Variants in KAZN observed in about 807,000 individuals in gnomAD.
KAZN encodes the protein kazrin.
Under a neutral mutation model 87.4 loss-of-function variants are expected in KAZN, and 40 were observed. The observed-to-expected ratio is 0.46, with a 90% CI of 0.36 to 0.60. The LOEUF is 0.60. Among genes scored for constraint, KAZN ranks in the 20% least tolerant of loss-of-function variants. The pLI, the probability that KAZN is intolerant of heterozygous loss-of-function variation, is 0.00. For synonymous variants in KAZN, 466 were observed against 458.3 expected (o/e 1.02, Z -0.22); for missense variants, 898 against 1,073.9 (o/e 0.84, Z 2.29).
At chr1:14,245,897 C>T (rs1649456612) in intron 2 of KAZN, among the ~76,000 whole-genome samples, 1 of 152,154 alleles carries the variant, frequency 6.6e-6, no homozygotes, top group Non-Finnish European at 1.5e-5. Context: ...CATGGCAGCA[C>T]TATTCACAAT....
chr1:14,824,196 G>T (rs942504944), intron 1 of KAZN, among the ~76,000 whole-genome samples: 3 of 152,008 alleles, frequency 2.0e-5, no homozygotes, highest in African/African-American at 4.8e-5. Flanking sequence ...GGGGTGCAGC[G>T]TGATGGGAGG....
intron 1 of KAZN, among the ~76,000 whole-genome samples, chr1:13,943,307 G>C (rs1217209724): frequency 6.6e-6 from 1 of 152,134 alleles, no homozygotes; most frequent in East Asian, 1.9e-4. Flanking sequence ...TTAAAGTGCA[G>C]AAAGAAGATA....
intron 1 of KAZN, among the ~76,000 whole-genome samples, chr1:14,874,482 ATGGATG>A (rs1652527048): frequency 2.0e-5 from 3 of 149,450 alleles, no homozygotes; most frequent in African/African-American, 5.0e-5. Flanking sequence ...GGATGGATGG[ATGGATG>A]GATGGATGGA....
intron 1 of KAZN, among the ~76,000 whole-genome samples, chr1:14,091,686 G>C (rs1285357502): frequency 6.6e-6 from 1 of 152,022 alleles, no homozygotes. Context: ...ATAACTTTTG[G>C]GGGCCTATGG....
At chr1:14,138,437 C>T (rs1334211672) in intron 1 of KAZN, among the ~76,000 whole-genome samples, 1 of 152,126 alleles carries the variant, frequency 6.6e-6, no homozygotes, top group Non-Finnish European at 1.5e-5. Context: ...GGAAGTATCC[C>T]ATTGGAACTT....
intron 2 of KAZN, among the ~76,000 whole-genome samples, chr1:14,992,422 G>A (rs558683844): frequency 6.6e-6 from 1 of 152,284 alleles, no homozygotes; most frequent in African/African-American, 2.4e-5. Flanking sequence ...AAGTTGCAGA[G>A]ACAAATAGGA....
chr1:14,311,975 G>T (rs904825195), intron 2 of KAZN, among the ~76,000 whole-genome samples: 2 of 152,124 alleles, frequency 1.3e-5, no homozygotes, highest in African/African-American at 4.8e-5. Flanking sequence ...GCTGGGAAGA[G>T]AATTCTTACT....
chr1:14,589,790 G>A (rs1482119095), intron 2 of KAZN, among the ~76,000 whole-genome samples: 1 of 152,100 alleles, frequency 6.6e-6, no homozygotes, highest in African/African-American at 2.4e-5. Flanking sequence ...GGGGGCTCAC[G>A]CTGTTCTTTG....
intron 1 of KAZN, among the ~76,000 whole-genome samples, chr1:14,078,831 C>T (rs1232839449): frequency 1.5e-4 from 23 of 152,110 alleles, no homozygotes; most frequent in African/African-American, 2.7e-4. Context: ...ATTACAGGCA[C>T]GCGCCACCAC....
At chr1:14,833,602 G>C (rs540228871) in intron 1 of KAZN, among the ~76,000 whole-genome samples, 2 of 152,132 alleles carry the variant, frequency 1.3e-5, no homozygotes, top group Non-Finnish European at 2.9e-5. Flanking sequence ...TAAGCATATG[G>C]GTTCTGTCTT....
chr1:14,900,072 G>A (rs906771157), intron 1 of KAZN, among the ~76,000 whole-genome samples: 18 of 152,358 alleles, frequency 1.2e-4, no homozygotes, highest in Admixed American at 9.8e-4. Context: ...AATGGCCCAG[G>A]AGGCAGAACC....
intron 2 of KAZN, among the ~76,000 whole-genome samples, chr1:14,962,969 A>C (rs934469133): frequency 6.6e-6 from 1 of 152,024 alleles, no homozygotes; most frequent in African/African-American, 2.4e-5. Flanking sequence ...TCCTGATCTG[A>C]GTGATTGGAC....
At chr1:15,019,297 GC>G (rs1203866601) in intron 2 of KAZN, among the ~76,000 whole-genome samples, 19 of 152,186 alleles carry the variant, frequency 1.2e-4, no homozygotes, top group African/African-American at 4.6e-4. Context: ...AGAGCAGGGG[GC>G]TCAGAACCAG....
intron 1 of KAZN, among the ~76,000 whole-genome samples, chr1:13,936,096 G>GTTTTTTTCTTT (rs1640727026): frequency 1.2e-5 from 1 of 84,840 alleles, no homozygotes; most frequent in Non-Finnish European, 2.2e-5. Context: ...TACAAGTGCA[G>GTTTTTTTCTTT]TTTTTTTTTT....
intron 1 of KAZN, among the ~76,000 whole-genome samples, chr1:14,697,140 C>CAAAAAAAAAAA (rs1172632955): frequency 1.5e-5 from 1 of 67,784 alleles, no homozygotes; most frequent in African/African-American, 4.9e-5. Flanking sequence ...AACAAACCAA[C>CAAAAAAAAAAA]AAAAAAAAAA....
intron 1 of KAZN, among the ~76,000 whole-genome samples, chr1:14,717,325 C>T (rs1642846745): frequency 6.6e-6 from 1 of 151,976 alleles, no homozygotes; most frequent in Non-Finnish European, 1.5e-5. Context: ...CACATCTCTA[C>T]CCTCATGGAT....
At chr1:15,083,021 C>A (rs1403054918) in intron 8 of KAZN, among the ~76,000 whole-genome samples, 1 of 152,166 alleles carries the variant, frequency 6.6e-6, no homozygotes, top group East Asian at 1.9e-4. Context: ...TAAGTCCCAG[C>A]CCTACTGCAA....
intron 1 of KAZN, among the ~76,000 whole-genome samples, chr1:14,671,622 G>C (rs1000390749): frequency 1.3e-5 from 2 of 152,002 alleles, no homozygotes; most frequent in African/African-American, 4.8e-5. Flanking sequence ...ATTTCCCCCC[G>C]TGGGCAAAGG....
chr1:15,002,918 G>C (rs913443481), intron 2 of KAZN, among the ~76,000 whole-genome samples: 9 of 152,032 alleles, frequency 5.9e-5, no homozygotes, highest in African/African-American at 2.2e-4. Context: ...GGAGGTTACA[G>C]CGAGCCGAGA....
Sources: gnomAD v4.1 joint callset for allele counts (sites outside exome capture counted in the v4.1 genomes callset) on GRCh38, gnomAD v4.1.1 for gene constraint, MANE v1.5 for transcripts, NCBI Gene and HGNC (gene_info 2026-07-23, HGNC 2026-07-21) for gene names.